SMURF2: variants seen among roughly 807,000 people sequenced by gnomAD.
SMURF2 encodes the protein E3 ubiquitin-protein ligase SMURF2.
Under a neutral mutation model 109.6 loss-of-function variants are expected in SMURF2, and 48 were observed. The ratio of observed to expected loss-of-function variants is 0.44; its 90% CI spans 0.35 to 0.56. SMURF2 has a LOEUF of 0.56. Ranked by LOEUF, SMURF2 falls within the 20% of genes least tolerant of loss-of-function variation. The pLI is 0.01. For synonymous variants in SMURF2, 288 were observed against 317.1 expected (o/e 0.91, Z 0.97); for missense variants, 575 against 909.0 (o/e 0.63, Z 4.72).
In SMURF2 at chr17:64,661,894, G is replaced by GGGGCGGCGGGGGCGGC. The variant is rs1272522591; in HGVS notation, c.-30_-15dup. 1.2e-4 allele frequency: 137 copies of GGGGCGGCGGGGGCGGC among 1,123,946 alleles called. No homozygotes were observed. In the African/African-American group the frequency reaches 3.1e-3, roughly 25 times the overall value. 69.6% of individuals were successfully genotyped at this position (1,123,946 alleles called of 1,614,324 possible). Reference sequence around the variant, plus strand: ...GGGGTTAGACATGTCCCCGGCGGCGGGGGCGGCGGGGGCGGCGGGCGGCAC... The same window carrying GGGGCGGCGGGGGCGGC: ...GGGGTTAGACATGTCCCCGGCGGCGGGGGCGGCGGGGGCGGCGGGCGGCGGGGGCGGCGGGCGGCAC... On this transcript the variant is annotated 5_prime_UTR_variant, in exon 1 of 19. Coordinates refer to ENST00000262435, the MANE Select transcript of SMURF2 (RefSeq NM_022739.4).
At chr17:64,633,517 C>T (rs967954742) in intron 1 of SMURF2, among the ~76,000 whole-genome samples, 1 of 152,124 alleles carries the variant, frequency 6.6e-6, no homozygotes, top group Non-Finnish European at 1.5e-5. Context: ...ATCCCTTTAC[C>T]ATATATTTAC....
At chr17:64,578,465 T>C in intron 9 of SMURF2, 27 bp downstream of exon 9, 1 of 1,474,560 alleles carries the variant, frequency 6.8e-7, no homozygotes, top group Non-Finnish European at 9.5e-7. Flanking sequence ...TTTGATGGTC[T>C]AAAGAGTGCT....
intron 10 of SMURF2, among the ~76,000 whole-genome samples, chr17:64,569,561 A>C (rs1555685397): frequency 1.3e-5 from 2 of 152,214 alleles, no homozygotes; most frequent in African/African-American, 4.8e-5. Flanking sequence ...AAAAACAGGA[A>C]ATCCAAATAG....
chr17:64,657,904 G>A (rs1970726357), intron 1 of SMURF2, among the ~76,000 whole-genome samples: 1 of 152,074 alleles, frequency 6.6e-6, no homozygotes, highest in Non-Finnish European at 1.5e-5. Flanking sequence ...ACTACAAAAA[G>A]GACCTTGGCA....
Position 64,543,455 on chromosome 17 carries a change from G to T in SMURF2, c.*2393C>A, listed in dbSNP as rs544532406. 6.6e-6 allele frequency: 1 copy of T among 151,870 alleles called. No individual in the cohort carries two copies. The highest frequency in any genetic ancestry group is 1.5e-5 in the Non-Finnish European group (1 of 67,986). The allele number at this position is 151,870 out of a possible 1,614,324, so 9.4% of individuals were successfully genotyped here. The stretch of plus-strand genomic sequence containing the variant: ...TGCCCGGCTAAATTTTGTATTTTTA[G>T]TAGAGACAGGGTTTCACCACGTTGG... On this transcript the variant is annotated 3_prime_UTR_variant, in exon 19 of 19. Coordinates refer to ENST00000262435, the MANE Select transcript of SMURF2 (RefSeq NM_022739.4).
At chr17:64,624,274 A>G (rs774251624) in intron 1 of SMURF2, among the ~76,000 whole-genome samples, 2 of 152,132 alleles carry the variant, frequency 1.3e-5, no homozygotes, top group Non-Finnish European at 2.9e-5. Flanking sequence ...AGGCGGGAGG[A>G]CTGCTTGAGC....
chr17:64,597,220 AT>A (rs1969830393), intron 3 of SMURF2, among the ~76,000 whole-genome samples: 1 of 152,054 alleles, frequency 6.6e-6, no homozygotes, highest in Non-Finnish European at 1.5e-5. Context: ...ACTGGGCAAT[AT>A]AGCAAGACCC....
intron 1 of SMURF2, among the ~76,000 whole-genome samples, chr17:64,629,865 G>A (rs1970314270): frequency 6.6e-6 from 1 of 152,150 alleles, no homozygotes; most frequent in African/African-American, 2.4e-5. Context: ...TCCTATGACT[G>A]GTAGAGGAAA....
At chr17:64,583,578 T>C (rs373184959) in intron 6 of SMURF2, 34 bp from the exon 7 acceptor site, 61 of 1,556,948 alleles carry the variant, frequency 3.9e-5, no homozygotes, top group Non-Finnish European at 4.9e-5. Context: ...AAGGCATTAA[T>C]AGGAAACTTG....
At chr17:64,609,744 A>G (rs1037756623) in intron 1 of SMURF2, among the ~76,000 whole-genome samples, 20 of 152,104 alleles carry the variant, frequency 1.3e-4, no homozygotes, top group Non-Finnish European at 2.9e-4. Context: ...CACCAAACGC[A>G]ATGGCAACAA....
chr17:64,638,069 T>C (rs57806193), intron 1 of SMURF2, among the ~76,000 whole-genome samples: 6,365 of 137,316 alleles, frequency 0.046, 210 homozygotes, highest in Admixed American at 0.12. Flanking sequence ...TTTCTTTTTT[T>C]TTTTTTTTTT....
intron 1 of SMURF2, among the ~76,000 whole-genome samples, chr17:64,619,297 T>C (rs1322621568): frequency 6.6e-6 from 1 of 151,392 alleles, no homozygotes; most frequent in South Asian, 2.1e-4. Flanking sequence ...GCTAACATGG[T>C]GAAACCCCGT....
Position 64,636,602 on chromosome 17 carries a change from CAAAAAAA to C in SMURF2, c.52+25220_52+25226del, listed in dbSNP as rs782425202. Among the ~76,000 whole-genome samples, 21 of 38,750 alleles carry C rather than the reference CAAAAAAA, an allele frequency of 5.4e-4. 1 individual carries two copies. The highest frequency in any genetic ancestry group is 1.2e-3 in the Admixed American group (3 of 2,586). The allele number at this position is 38,750 out of a possible 152,430, so 25.4% of individuals were successfully genotyped here. A position where few individuals can be genotyped will look rare whatever the true frequency, so the allele number is the denominator to read the frequency against. ...TGGACATCAGGGCCAGACTCTGCCTCAAAAAAAAAAAAAAAAAAAAAAAAAAATTAGC... is the reference window on the plus strand; with the variant it reads ...TGGACATCAGGGCCAGACTCTGCCTCAAAAAAAAAAAAAAAAAAAATTAGC... On this transcript the variant is annotated intron_variant, in intron 1 of 18. Coordinates refer to ENST00000262435, the MANE Select transcript of SMURF2 (RefSeq NM_022739.4).
At chr17:64,661,787 C>T in intron 1 of SMURF2, 42 bp downstream of exon 1, 1 of 1,213,458 alleles carries the variant, frequency 8.2e-7, no homozygotes, top group Non-Finnish European at 1.0e-6. Context: ...GCCAGCTCGC[C>T]CACCCCGCGG....
intron 2 of SMURF2, 42 bp downstream of exon 2, chr17:64,606,560 G>T (rs1555689066): frequency 1.5e-6 from 2 of 1,367,300 alleles, no homozygotes; most frequent in Non-Finnish European, 1.0e-6. Flanking sequence ...TGTTCCCAAA[G>T]ATCTACATAC....
At chr17:64,632,224 G>A (rs997568071) in intron 1 of SMURF2, among the ~76,000 whole-genome samples, 1 of 152,078 alleles carries the variant, frequency 6.6e-6, no homozygotes, top group Non-Finnish European at 1.5e-5. Flanking sequence ...CTCCCAAAGT[G>A]CTGGGATTAC....
At chr17:64,575,978 A>G (rs1969484330) in intron 9 of SMURF2, among the ~76,000 whole-genome samples, 1 of 151,384 alleles carries the variant, frequency 6.6e-6, no homozygotes, top group Admixed American at 6.6e-5. Context: ...GCCGAGGTGC[A>G]CAGATTGCTT....
intron 1 of SMURF2, among the ~76,000 whole-genome samples, chr17:64,639,491 C>T (rs1281270352): frequency 2.6e-5 from 4 of 152,060 alleles, no homozygotes; most frequent in African/African-American, 9.7e-5. Context: ...GCAGGAGAAT[C>T]ACTTGAACCC....
chr17:64,575,294 C>A (rs1278444009), intron 9 of SMURF2, among the ~76,000 whole-genome samples: 1 of 151,888 alleles, frequency 6.6e-6, no homozygotes, highest in East Asian at 1.9e-4. Context: ...GCTGGGATTA[C>A]AGGCACATGC....
Sources: allele counts gnomAD v4.1 joint callset (sites outside exome capture counted in the v4.1 genomes callset), GRCh38; gene constraint gnomAD v4.1.1; transcripts MANE v1.5; gene names NCBI Gene and HGNC (gene_info 2026-07-23, HGNC 2026-07-21).